Variants in RADIL observed in about 807,000 individuals in gnomAD.
RADIL encodes ras-associating and dilute domain-containing protein.
Under a neutral mutation model 97.6 loss-of-function variants are expected in RADIL, and 99 were observed. That is an observed-to-expected ratio of 1.01 (90% CI 0.86 to 1.20). The LOEUF (loss-of-function observed/expected upper bound fraction) is 1.20, where lower values mean the gene tolerates loss of function less well. Ranked by LOEUF, RADIL falls within the 50% of genes most tolerant of loss-of-function variation. RADIL has a pLI of 0.00. For synonymous variants in RADIL, 803 were observed against 691.8 expected (o/e 1.16, Z -2.52); for missense variants, 1,765 against 1,498.9 (o/e 1.18, Z -2.93).
At position 4,836,258 on chromosome 7, in the gene RADIL, G is replaced by A. The variant is rs1007567960; in HGVS notation, c.783+100C>T. ...GAGGGGCTGCAGCCACAGAGCTCGC[G>A]GCCGACTGGGCTAAAGGCAGGCGGA... On this transcript the variant is annotated intron_variant, in intron 3 of 14. Transcript: ENST00000399583. 5.0e-5 allele frequency: 76 copies of A among 1,506,720 alleles called. No homozygotes were observed. In the African/African-American group the frequency reaches 7.5e-4, roughly 15 times the overall value. 93.3% of individuals were successfully genotyped at this position (1,506,720 alleles called of 1,614,324 possible).
chr7:4,817,140 GC>G lies in RADIL; in HGVS notation c.1728+98del. On this transcript the variant is annotated intron_variant, in intron 7 of 14. Coordinates refer to ENST00000399583, the MANE Select transcript of RADIL (RefSeq NM_018059.5). The surrounding 1 kb of genome is among the most constrained non-coding windows in gnomAD (Gnocchi z 8.3). ...GAGCTTGTCACGGTCCCCTCCCTCA[GC>G]CCCCCAGAAGGCTCCTTAGGAGAGC... is the stretch of plus-strand genomic sequence containing the variant. The G allele has an allele frequency of 4.8e-6, 5 of 1,041,082 alleles. No individual in the cohort carries two copies. The highest frequency in any genetic ancestry group is 2.5e-5 in the East Asian group (1 of 40,226). The allele number at this position is 1,041,082 out of a possible 1,614,324, so 64.5% of individuals were successfully genotyped here.
intron 5 of RADIL, among the ~76,000 whole-genome samples, chr7:4,831,307 CACTT>C (rs1783133287): frequency 6.6e-6 from 1 of 151,854 alleles, no homozygotes; most frequent in South Asian, 2.1e-4. Context: ...AATACCTTCT[CACTT>C]ACAAGTGGGA....
At chr7:4,807,684 TCTCTCCATCTCTCTCCCCTCCCTCCTCC>T (rs1782367369) in intron 9 of RADIL, among the ~76,000 whole-genome samples, 1 of 60,932 alleles carries the variant, frequency 1.6e-5, no homozygotes, top group Non-Finnish European at 3.2e-5. Flanking sequence ...TCCCTCTCCT[TCTCTCCATCTCTCTCCCCTCCCTCCTCC>T]CTCTCCTTCT....
chr7:4,866,417 A>T (rs746908720), intron 2 of RADIL, among the ~76,000 whole-genome samples: 5 of 151,842 alleles, frequency 3.3e-5, no homozygotes, highest in South Asian at 4.2e-4. Flanking sequence ...AATACCTAAC[A>T]CAGAGTAGCC....
At position 4,815,438 on chromosome 7, in the gene RADIL, C is replaced by T. The variant is rs1423137367; in HGVS notation, c.1979G>A (p.Ser660Asn). The T allele has an allele frequency of 1.3e-6, 2 of 1,527,108 alleles. No homozygotes were observed. Among genetic ancestry groups the T allele is most frequent in the Admixed American group, 2.1e-5 (1 of 46,570 alleles). 94.6% of individuals were successfully genotyped at this position (1,527,108 alleles called of 1,614,324 possible). A position where few individuals can be genotyped will look rare whatever the true frequency, so the allele number is the denominator to read the frequency against. The change falls in exon 9 of 15, where the codon AGC becomes AAC. Residue 660 changes from serine to asparagine, a missense_variant. Ser to Asn is a conservative substitution (Grantham distance 46, BLOSUM62 1). Transcript: ENST00000399583. The surrounding 1 kb of genome is among the most constrained non-coding windows in gnomAD (Gnocchi z 8.0). ...NQLLDRGPSL[S>N]CFHWPRGVQA... ...GACACCTCTGGGCCAGTGGAAGCAG[C>T]TCAGGGAGGGGCCTGTGGAGGGAAG...
At chr7:4,829,367 G>A (rs1783079250) in intron 5 of RADIL, among the ~76,000 whole-genome samples, 1 of 152,202 alleles carries the variant, frequency 6.6e-6, no homozygotes, top group Non-Finnish European at 1.5e-5. Context: ...GTGTTTGCCA[G>A]TGAAAGTGGA....
In RADIL at chr7:4,879,357, A is replaced by T. The variant is rs1784438630; in HGVS notation, c.-64-1154T>A. ...GGGGCAGGAGGGCAGAGAAAAAGGA[A>T]GGCAGGTCTCCGATTTGGAAAAGGT... On this transcript the variant is annotated intron_variant, in intron 1 of 14. Transcript: ENST00000399583. This position sits in a 1 kb window ranked among gnomAD's most constrained non-coding sequence, Gnocchi z 4.1. Among the ~76,000 whole-genome samples, 1 of 152,226 alleles carries T rather than the reference A, an allele frequency of 6.6e-6. No homozygotes were observed. Among genetic ancestry groups the T allele is most frequent in the Non-Finnish European group, 1.5e-5 (1 of 68,022 alleles).
In RADIL at chr7:4,799,435, G is replaced by C; in HGVS notation, c.3171C>G (p.Val1057=). The stretch of plus-strand genomic sequence containing the variant: ...TGGCTGTTTCCACGTCGGACTTCGC[G>C]ACCAGGAACCGCATCTTCTTCCCGC... ...RHGGKKMRFL[V]AKSDVETAKK... Residue 1057 remains valine, a synonymous_variant, in exon 15 of 15, where the codon GTC becomes GTG. Transcript: ENST00000399583. 1.2e-6 allele frequency: 2 copies of C among 1,613,774 alleles called. No homozygotes were observed. Among genetic ancestry groups the C allele is most frequent in the Non-Finnish European group, 8.5e-7 (1 of 1,179,982 alleles).
intron 2 of RADIL, chr7:4,860,079 G>C (rs1182238221): frequency 6.2e-7 from 1 of 1,613,898 alleles, no homozygotes; most frequent in African/African-American, 1.3e-5. Context: ...TTCACCTGTT[G>C]CAAGGAAAAT....
At chr7:4,802,999 G>GGGT (rs1295485177) in intron 11 of RADIL, among the ~76,000 whole-genome samples, 4 of 76,792 alleles carry the variant, frequency 5.2e-5, no homozygotes, top group South Asian at 4.8e-4. Flanking sequence ...CACTCTGGCT[G>GGGT]GGCCCCCTCC....
At chr7:4,800,047 C>T in intron 13 of RADIL, 124 bp downstream of exon 13, 1 of 1,383,758 alleles carries the variant, frequency 7.2e-7, no homozygotes, top group Non-Finnish European at 9.6e-7. Context: ...AGAGGCCAAC[C>T]CCACTCTCCT....
At chr7:4,826,593 C>T (rs1239843953) in intron 5 of RADIL, among the ~76,000 whole-genome samples, 3 of 151,678 alleles carry the variant, frequency 2.0e-5, no homozygotes, top group East Asian at 1.9e-4. Context: ...ATTAGCCGGG[C>T]GTGGTGGCGC....
chr7:4,834,002 C>G lies in RADIL; in HGVS notation c.1416+605G>C, dbSNP rs1459423187. Among the ~76,000 whole-genome samples the G allele has an allele frequency of 6.6e-6, 1 of 152,110 alleles. No homozygotes were observed. Among genetic ancestry groups the G allele is most frequent in the Non-Finnish European group, 1.5e-5 (1 of 68,006 alleles). On this transcript the variant is annotated intron_variant, in intron 4 of 14. Coordinates refer to ENST00000399583, the MANE Select transcript of RADIL (RefSeq NM_018059.5). The surrounding 1 kb of genome is among the most constrained non-coding windows in gnomAD (Gnocchi z 6.0). ...ATGCTGCTGAATCCTCTGCAATGCA[C>G]AGGCCAGCCTCACAGCAAGGAGCTC...
In RADIL at chr7:4,873,169, T is replaced by C. The variant is rs113450048; in HGVS notation, c.535+4436A>G. 0.017 allele frequency among the ~76,000 whole-genome samples: 2,575 copies of C among 152,194 alleles called. 32 individuals carry two copies. The highest frequency in any genetic ancestry group is 0.027 in the Non-Finnish European group (1,825 of 67,988). ...ACTGGTCTTGAACTCCTGACTTCAA[T>C]TGATCTGCCTGCCTCGGCCTCCCAA... On this transcript the variant is annotated intron_variant, in intron 2 of 14. Transcript: ENST00000399583. The surrounding 1 kb of genome is among the most constrained non-coding windows in gnomAD (Gnocchi z 4.3).
At chr7:4,861,757 C>A in intron 2 of RADIL, 4 of 1,486,736 alleles carry the variant, frequency 2.7e-6, no homozygotes, top group Non-Finnish European at 3.6e-6. Flanking sequence ...CGTAGCGATT[C>A]GGCGGCGGCG....
intron 2 of RADIL, among the ~76,000 whole-genome samples, chr7:4,855,906 A>G (rs1783817339): frequency 6.7e-6 from 1 of 149,290 alleles, no homozygotes; most frequent in Admixed American, 6.7e-5. Flanking sequence ...AGTGATTCTC[A>G]TGCCTCAGCT....
chr7:4,807,616 TCCCCCC>T (rs1222476817), intron 9 of RADIL, among the ~76,000 whole-genome samples: 3 of 54,362 alleles, frequency 5.5e-5, no homozygotes, highest in Admixed American at 2.1e-4. Flanking sequence ...TCCTTCTCTC[TCCCCCC>T]GTCTCCCCTC....
chr7:4,809,083 T>C (rs1479332017), intron 9 of RADIL: 1 of 977,738 alleles, frequency 1.0e-6, no homozygotes, highest in African/African-American at 1.8e-5. Flanking sequence ...CCGCGTCTCC[T>C]GTAGACGCTC....
At chr7:4,841,718 G>A (rs551856592) in intron 2 of RADIL, among the ~76,000 whole-genome samples, 1 of 152,318 alleles carries the variant, frequency 6.6e-6, no homozygotes, top group Non-Finnish European at 1.5e-5. Flanking sequence ...CCAAACATCT[G>A]CTAATACATG....
Sources: gnomAD v4.1 joint callset for allele counts (sites outside exome capture counted in the v4.1 genomes callset) on GRCh38, gnomAD v4.1.1 for gene constraint, Gnocchi (gnomAD v3.1) non-coding constraint, MANE v1.5 for transcripts, NCBI Gene and HGNC (gene_info 2026-07-23, HGNC 2026-07-21) for gene names.